MYO3A: variants seen among roughly 807,000 people sequenced by gnomAD.
The protein encoded by MYO3A is myosin IIIA, also known as myosin-IIIa.
In MYO3A, 180 loss-of-function variants were observed where a neutral mutation model predicts 192.7. The observed-to-expected ratio is 0.93, with a 90% confidence interval of 0.83 to 1.06. MYO3A has a LOEUF of 1.06. Among genes scored for constraint, MYO3A ranks in the 50% least tolerant of loss-of-function variants. The probability of loss-of-function intolerance (pLI) is 0.00; values close to 1 mark genes in which losing one functional copy is unlikely to be tolerated. For synonymous variants in MYO3A, 628 were observed against 645.3 expected, an observed-to-expected ratio of 0.97 and a Z score of 0.41; for missense variants, 1,896 against 1,905.0, an observed-to-expected ratio of 1.00 and a Z score of 0.09.
intron 20 of MYO3A, among the ~76,000 whole-genome samples, chr10:26,129,939 G>A (rs1418007675): frequency 6.6e-6 from 1 of 152,122 alleles, no homozygotes; most frequent in Admixed American, 6.5e-5. Flanking sequence ...AACTTTATGG[G>A]ACCAGGTGTA....
intron 25 of MYO3A, among the ~76,000 whole-genome samples, chr10:26,155,364 C>T (rs545620143): frequency 1.3e-5 from 2 of 152,254 alleles, no homozygotes; most frequent in East Asian, 3.9e-4. Context: ...CTTCCTTGGG[C>T]AATGTAGGAT....
intron 6 of MYO3A, among the ~76,000 whole-genome samples, chr10:26,008,820 C>T (rs1449023136): frequency 2.0e-5 from 3 of 151,894 alleles, no homozygotes; most frequent in Non-Finnish European, 2.9e-5. Flanking sequence ...GTCAGTGTGG[C>T]GATTCCTCAG....
At chr10:25,977,851 C>G (rs1481349044) in intron 4 of MYO3A, among the ~76,000 whole-genome samples, 1 of 152,084 alleles carries the variant, frequency 6.6e-6, no homozygotes, top group Non-Finnish European at 1.5e-5. Flanking sequence ...ACTTCCACTT[C>G]CAGATAGAAA....
chr10:26,102,055 T>G, intron 17 of MYO3A, among the ~76,000 whole-genome samples: 1 of 152,232 alleles, frequency 6.6e-6, no homozygotes, highest in East Asian at 1.9e-4. Context: ...AGATTTGATC[T>G]TTTCACATCA....
At chr10:26,162,472 G>A (rs2131969913) in intron 26 of MYO3A, among the ~76,000 whole-genome samples, 1 of 152,168 alleles carries the variant, frequency 6.6e-6, no homozygotes, top group South Asian at 2.1e-4. Context: ...TCTCATTTAT[G>A]ATTTCCAGTT....
intron 17 of MYO3A, among the ~76,000 whole-genome samples, chr10:26,108,174 G>A (rs996590841): frequency 4.6e-5 from 7 of 152,180 alleles, no homozygotes; most frequent in African/African-American, 1.7e-4. Context: ...CATTGATTCA[G>A]AGTGTGTGAT....
chr10:26,178,284 C>T (rs764426396), intron 31 of MYO3A, among the ~76,000 whole-genome samples: 16 of 152,174 alleles, frequency 1.1e-4, no homozygotes, highest in South Asian at 2.1e-4. Context: ...TGGGAGGCAG[C>T]GTCCTGGGAG....
At chr10:26,038,663 G>A (rs1176637054) in intron 10 of MYO3A, among the ~76,000 whole-genome samples, 1 of 151,912 alleles carries the variant, frequency 6.6e-6, no homozygotes, top group Non-Finnish European at 1.5e-5. Flanking sequence ...CCTTTTCAAT[G>A]TGGACTCCCT....
chr10:26,100,150 T>A (rs1421125785), intron 17 of MYO3A, among the ~76,000 whole-genome samples: 1 of 152,218 alleles, frequency 6.6e-6, no homozygotes, highest in East Asian at 1.9e-4. Context: ...GGTGTATGTG[T>A]CCAGGAATTT....
chr10:26,065,205 T>G (rs1258048468), intron 10 of MYO3A, among the ~76,000 whole-genome samples: 3 of 152,304 alleles, frequency 2.0e-5, no homozygotes, highest in South Asian at 2.1e-4. Context: ...GGACTTAAAA[T>G]TGACCATTGG....
chr10:26,121,243 C>G (rs1294461359), intron 18 of MYO3A, among the ~76,000 whole-genome samples: 3 of 151,294 alleles, frequency 2.0e-5, no homozygotes, highest in African/African-American at 7.3e-5. Context: ...CATTTCTACA[C>G]AAGAGAAGCA....
chr10:25,979,415 A>G (rs1156348411), intron 4 of MYO3A, among the ~76,000 whole-genome samples: 2 of 150,944 alleles, frequency 1.3e-5, no homozygotes, highest in African/African-American at 4.9e-5. Flanking sequence ...CTATTACCAA[A>G]AAAAAAAAAA....
chr10:26,153,136 T>C (rs1840900544), intron 23 of MYO3A, among the ~76,000 whole-genome samples: 2 of 152,230 alleles, frequency 1.3e-5, no homozygotes, highest in African/African-American at 4.8e-5. Flanking sequence ...GCTGTGAAAG[T>C]GAACTGCATT....
At chr10:25,936,756 T>G (rs1179637313) in intron 2 of MYO3A, among the ~76,000 whole-genome samples, 1 of 152,194 alleles carries the variant, frequency 6.6e-6, no homozygotes, top group African/African-American at 2.4e-5. Context: ...CCTTAAAAAC[T>G]TTCTAATCTT....
At chr10:26,197,232 T>C (rs900371083) in intron 32 of MYO3A, among the ~76,000 whole-genome samples, 2 of 152,146 alleles carry the variant, frequency 1.3e-5, no homozygotes, top group Non-Finnish European at 2.9e-5. Context: ...GTAACAATGT[T>C]TAAGAAAACA....
intron 7 of MYO3A, among the ~76,000 whole-genome samples, chr10:26,017,856 A>G (rs1588787656): frequency 2.0e-5 from 3 of 151,592 alleles, no homozygotes; most frequent in Middle Eastern, 7.0e-3. Context: ...ATCTCAAAGG[A>G]GAGTTTCTTT....
chr10:25,962,051 G>A (rs568758180), intron 4 of MYO3A, among the ~76,000 whole-genome samples: 4 of 152,028 alleles, frequency 2.6e-5, no homozygotes, highest in African/African-American at 9.7e-5. Flanking sequence ...GGTGTGTGTG[G>A]ATGGCCATAC....
chr10:26,012,332 C>T (rs1841714518), intron 6 of MYO3A, among the ~76,000 whole-genome samples: 1 of 152,044 alleles, frequency 6.6e-6, no homozygotes, highest in Non-Finnish European at 1.5e-5. Context: ...GATTGTATAC[C>T]TAGAAAATCC....
intron 10 of MYO3A, among the ~76,000 whole-genome samples, chr10:26,029,479 T>G (rs1842711182): frequency 6.6e-6 from 1 of 152,232 alleles, no homozygotes; most frequent in Admixed American, 6.5e-5. Flanking sequence ...AATGAATTCT[T>G]CAAAATTGTT....
Sources: allele counts gnomAD v4.1 joint callset (sites outside exome capture counted in the v4.1 genomes callset), GRCh38; gene constraint gnomAD v4.1.1; transcripts MANE v1.5; gene names NCBI Gene and HGNC (gene_info 2026-07-23, HGNC 2026-07-21).